The following STXBP5L variants were observed in gnomAD, a reference collection of about 807,000 sequenced individuals.
The protein encoded by STXBP5L is syntaxin-binding protein 5-like.
Under a neutral mutation model 144.5 loss-of-function variants are expected in STXBP5L, and 65 were observed. The observed-to-expected ratio is 0.45, with a 90% CI of 0.37 to 0.55. STXBP5L has a LOEUF of 0.55. Among genes scored for constraint, STXBP5L ranks in the 20% least tolerant of loss-of-function variants. The pLI, the probability that STXBP5L is intolerant of heterozygous loss-of-function variation, is 0.00. For synonymous variants in STXBP5L, 505 were observed against 469.6 expected, an observed-to-expected ratio of 1.08 and a Z score of -0.97; for missense variants, 1,298 against 1,405.5, an observed-to-expected ratio of 0.92 and a Z score of 1.22.
At position 120,999,497 on chromosome 3, in the gene STXBP5L, G is replaced by A. The variant is rs190760123; in HGVS notation, c.288-42203G>A. On this transcript the variant is annotated intron_variant, in intron 3 of 26. Transcript: ENST00000471454. ...GTGACATTGGTCTCTCGAAGACAGC[G>A]TACAGTTGGGTGTTGCTTCTTTATC... 1.6e-3 allele frequency among the ~76,000 whole-genome samples: 244 copies of A among 152,268 alleles called. 1 individual carries two copies. The highest frequency in any genetic ancestry group is 2.5e-3 in the Non-Finnish European group (173 of 68,016).
intron 20 of STXBP5L, among the ~76,000 whole-genome samples, chr3:121,327,633 T>G (rs965407225): frequency 3.3e-5 from 5 of 152,226 alleles, no homozygotes; most frequent in Non-Finnish European, 7.4e-5. Context: ...CTTTCCTATG[T>G]ATTTTGTTTC....
chr3:121,172,245 C>T (rs9828240), intron 9 of STXBP5L, among the ~76,000 whole-genome samples: 15,109 of 152,202 alleles, frequency 0.099, 1,186 homozygotes, highest in Admixed American at 0.2. Flanking sequence ...AGAAGAAAAT[C>T]TAGGCAGTAC....
chr3:121,382,221 C>CA (rs1435208163), intron 22 of STXBP5L, among the ~76,000 whole-genome samples: 1 of 151,544 alleles, frequency 6.6e-6, no homozygotes, highest in East Asian at 1.9e-4. Flanking sequence ...GTTTTTAAGT[C>CA]AAAAAATTTC....
At chr3:121,119,442 G>T (rs9838136) in intron 6 of STXBP5L, among the ~76,000 whole-genome samples, 15,022 of 151,268 alleles carry the variant, frequency 0.099, 1,174 homozygotes, top group Admixed American at 0.2. Context: ...TTTAAGATAT[G>T]GGAAGATAAT....
At chr3:121,044,399 A>G (rs1947366416) in intron 4 of STXBP5L, among the ~76,000 whole-genome samples, 1 of 152,196 alleles carries the variant, frequency 6.6e-6, no homozygotes, top group African/African-American at 2.4e-5. Context: ...ATTCCTAAAG[A>G]AGAAATAAAT....
chr3:120,967,738 C>A (rs1321173417), intron 3 of STXBP5L, among the ~76,000 whole-genome samples: 2 of 151,992 alleles, frequency 1.3e-5, no homozygotes, highest in Non-Finnish European at 2.9e-5. Flanking sequence ...CTTTTTATTG[C>A]TATAAACAAC....
intron 5 of STXBP5L, among the ~76,000 whole-genome samples, chr3:121,105,701 G>A (rs2043671063): frequency 6.6e-6 from 1 of 151,958 alleles, no homozygotes; most frequent in African/African-American, 2.4e-5. Flanking sequence ...GATAAATATA[G>A]TGAAAAGGTA....
rs1440968088 is a variant in STXBP5L at position 121,381,408 on chromosome 3, T to C, written c.2463T>C (p.Asn821=). ...LYFMDSFARK[N]DSTISPCLFV... is the part of the protein sequence containing the mutation. The stretch of plus-strand genomic sequence containing the variant: ...TCATGGACTCCTTTGCACGGAAAAA[T>C]GACTCTACCATCTCTCCTTGTCTGT... The change falls in exon 22 of 27, where the codon AAT becomes AAC. Residue 821 remains asparagine (N), a synonymous_variant. Coordinates refer to ENST00000471454, the MANE Select transcript of STXBP5L (RefSeq NM_001308330.2). 1.9e-6 allele frequency: 3 copies of C among 1,610,570 alleles called. No individual in the cohort carries two copies. The highest frequency in any genetic ancestry group is 2.2e-5 in the South Asian group (2 of 90,522).
chr3:120,959,198 C>T (rs55833699), intron 3 of STXBP5L, among the ~76,000 whole-genome samples: 57,153 of 151,810 alleles, frequency 0.38, 10,954 homozygotes, highest in Non-Finnish European at 0.4. Flanking sequence ...TTACAAGGGA[C>T]GTGAAGGACC....
At chr3:121,290,630 T>C (rs2051403567) in intron 19 of STXBP5L, among the ~76,000 whole-genome samples, 1 of 152,118 alleles carries the variant, frequency 6.6e-6, no homozygotes, top group Non-Finnish European at 1.5e-5. Flanking sequence ...CTGATATCCC[T>C]GGTGAACGTA....
chr3:121,067,765 AT>A (rs964050050), intron 5 of STXBP5L, among the ~76,000 whole-genome samples: 6 of 152,112 alleles, frequency 3.9e-5, no homozygotes, highest in African/African-American at 1.4e-4. Context: ...GTGATGACTT[AT>A]GTTTTGAATC....
chr3:121,227,929 G>T (rs537482894), intron 11 of STXBP5L, among the ~76,000 whole-genome samples: 1 of 152,226 alleles, frequency 6.6e-6, no homozygotes, highest in South Asian at 2.1e-4. Context: ...TTTAATATCT[G>T]TACAAGATGA....
intron 3 of STXBP5L, among the ~76,000 whole-genome samples, chr3:120,975,059 G>GT (rs1178177584): frequency 2.6e-5 from 4 of 152,138 alleles, no homozygotes; most frequent in Non-Finnish European, 5.9e-5. Flanking sequence ...CTTTAAAGTA[G>GT]TTTTTTCCAA....
intron 14 of STXBP5L, among the ~76,000 whole-genome samples, chr3:121,250,189 G>A (rs1423600200): frequency 6.6e-6 from 1 of 151,738 alleles, no homozygotes; most frequent in Non-Finnish European, 1.5e-5. Context: ...TGGTGTCAGG[G>A]TAATGCTGAG....
chr3:121,106,391 G>A (rs2043709014), intron 5 of STXBP5L, among the ~76,000 whole-genome samples: 1 of 152,004 alleles, frequency 6.6e-6, no homozygotes, highest in Non-Finnish European at 1.5e-5. Context: ...TATTTATTAT[G>A]ACACTTTCCC....
chr3:121,046,818 TG>T (rs1429366863), intron 5 of STXBP5L, among the ~76,000 whole-genome samples: 3 of 152,168 alleles, frequency 2.0e-5, no homozygotes, highest in Non-Finnish European at 4.4e-5. Flanking sequence ...TTGTACTCAT[TG>T]ATCTTTTGTA....
chr3:121,103,826 A>G (rs973761126), intron 5 of STXBP5L, among the ~76,000 whole-genome samples: 1 of 152,210 alleles, frequency 6.6e-6, no homozygotes, highest in African/African-American at 2.4e-5. Context: ...AAGAACAGAT[A>G]AAGAAAATTA....
intron 2 of STXBP5L, among the ~76,000 whole-genome samples, chr3:120,950,602 G>A (rs1214359347): frequency 6.6e-6 from 1 of 152,038 alleles, no homozygotes; most frequent in East Asian, 1.9e-4. Flanking sequence ...AGTTACATAT[G>A]TATACATGAG....
chr3:121,039,781 T>C (rs1033305917), intron 3 of STXBP5L, among the ~76,000 whole-genome samples: 1 of 152,034 alleles, frequency 6.6e-6, no homozygotes, highest in Admixed American at 6.6e-5. Context: ...TACAACTAAT[T>C]AGGCCATTTG....
Sources: allele counts gnomAD v4.1 joint callset (sites outside exome capture counted in the v4.1 genomes callset), GRCh38; gene constraint gnomAD v4.1.1; transcripts MANE v1.5; gene names NCBI Gene and HGNC (gene_info 2026-07-23, HGNC 2026-07-21).